Variants in ZBTB5 observed in about 807,000 individuals in gnomAD.
ZBTB5 encodes zinc finger and BTB domain containing 5, also known as zinc finger and BTB domain-containing protein 5.
A neutral mutation model predicts 37.9 loss-of-function variants in ZBTB5; 15 were observed. The observed-to-expected ratio is 0.40, with a 90% CI of 0.26 to 0.61. ZBTB5 has a LOEUF of 0.61. Ranked by LOEUF, ZBTB5 falls within the 20% of genes least tolerant of loss-of-function variation. The pLI is 0.47. For missense variants in ZBTB5, 708 were observed against 856.8 expected (o/e 0.83, Z 2.17); for synonymous variants, 315 against 312.4 (o/e 1.01, Z -0.09).
In ZBTB5 at chr9:37,442,085, G is replaced by A; in HGVS notation, c.467C>T (p.Ser156Leu). The change falls in exon 2 of 2, where the codon TCA (serine) becomes TTA (leucine). Residue 156 changes from serine to leucine, a missense_variant. Ser to Leu is a moderately radical substitution (Grantham distance 145). Around this residue, in one of 3 missense-constraint regions of ZBTB5, gnomAD observed 639 missense variants for 690.5 expected, o/e 0.93. Transcript: ENST00000307750. Reference protein sequence around the residue: ...LQQLGLSIVSSALNSSQNGEE... With the variant: ...LQQLGLSIVSLALNSSQNGEE... ...GCCATTCTGGCTGGAATTGAGGGCTGAGCTCACGATGCTTAGTCCCAGCTG... is the reference window on the plus strand; with the variant it reads ...GCCATTCTGGCTGGAATTGAGGGCTAAGCTCACGATGCTTAGTCCCAGCTG... 4 of 1,614,022 alleles carry A rather than the reference G, an allele frequency of 2.5e-6. No homozygotes were observed. Among genetic ancestry groups the A allele is most frequent in the Admixed American group, 1.7e-5 (1 of 60,034 alleles).
rs1414975830 is a variant in ZBTB5 at position 37,447,245 on chromosome 9, T to C, written c.-4-4690A>G. On this transcript the variant is annotated intron_variant, in intron 1 of 1. Transcript: ENST00000307750. ...GAGTGTGTGAAGGAGAAACTGTCAC[T>C]TATAAAACCACCAGATGTTGTGAGA... 5.3e-5 allele frequency among the ~76,000 whole-genome samples: 8 copies of C among 152,278 alleles called. No homozygotes were observed. In the East Asian group the frequency reaches 1.5e-3, roughly 29 times the overall value.
At chr9:37,464,985 A>C (rs1206427641) in intron 1 of ZBTB5, among the ~76,000 whole-genome samples, 4 of 151,524 alleles carry the variant, frequency 2.6e-5, no homozygotes. Context: ...CCCCCGCCCC[A>C]CCCCGCAGAC....
At chr9:37,454,982 C>T (rs1202469032) in intron 1 of ZBTB5, among the ~76,000 whole-genome samples, 1 of 152,176 alleles carries the variant, frequency 6.6e-6, no homozygotes, top group East Asian at 1.9e-4. Flanking sequence ...GGACAGGAGA[C>T]AGGGAAATGC....
chr9:37,460,530 G>A (rs1307461153), intron 1 of ZBTB5, among the ~76,000 whole-genome samples: 1 of 152,152 alleles, frequency 6.6e-6, no homozygotes, highest in Non-Finnish European at 1.5e-5. Context: ...GACCTGCTTG[G>A]TTAACATAGC....
rs755949775 is a variant in ZBTB5, at chr9:37,441,208, C to G, written c.1344G>C (p.Leu448Phe). ...CACCTGCAGGCCCAGCCTCTGGACT[C>G]AACAAATAGGGGGCCTCACTCTCCA... ...CRLESEAPYL[L>F]SPEAGPAGGP... Residue 448 changes from leucine to phenylalanine, a missense_variant, in exon 2 of 2, where the codon TTG becomes TTC. By Grantham distance (22) the Leu-to-Phe change is conservative. Around this residue, in one of 3 missense-constraint regions of ZBTB5, gnomAD observed 639 missense variants for 690.5 expected, o/e 0.93. Coordinates refer to ENST00000307750, the MANE Select transcript of ZBTB5 (RefSeq NM_014872.3). 2 of 1,614,040 alleles carry G rather than the reference C, an allele frequency of 1.2e-6. No homozygotes were observed. The highest frequency in any genetic ancestry group is 1.3e-5 in the African/African-American group (1 of 75,006).
intron 1 of ZBTB5, among the ~76,000 whole-genome samples, chr9:37,448,286 TC>T (rs1182991455): frequency 1.3e-5 from 2 of 152,304 alleles, no homozygotes; most frequent in African/African-American, 4.8e-5. Context: ...GCTTGGAACT[TC>T]CTGTTATACC....
intron 1 of ZBTB5, among the ~76,000 whole-genome samples, chr9:37,459,557 CTTTTT>C (rs758214270): frequency 1.4e-5 from 2 of 142,252 alleles, no homozygotes; most frequent in African/African-American, 2.6e-5. Context: ...GATCAAGAAA[CTTTTT>C]TTTTTTTTTC....
At chr9:37,464,380 C>T (rs1038815852) in intron 1 of ZBTB5, among the ~76,000 whole-genome samples, 1 of 152,208 alleles carries the variant, frequency 6.6e-6, no homozygotes, top group Non-Finnish European at 1.5e-5. Context: ...TCAGAAGATA[C>T]TACTTAGTAA....
chr9:37,447,510 C>A (rs1188227394), intron 1 of ZBTB5, among the ~76,000 whole-genome samples: 1 of 152,118 alleles, frequency 6.6e-6, no homozygotes. Flanking sequence ...GTTGCCCAGG[C>A]TAGAGTACAG....
intron 1 of ZBTB5, among the ~76,000 whole-genome samples, chr9:37,445,768 G>GT (rs879843835): frequency 1.2e-4 from 18 of 152,146 alleles, no homozygotes; most frequent in Non-Finnish European, 1.9e-4. Context: ...GGGGACTGCT[G>GT]TTTTGTTGTT....
At chr9:37,444,566 C>A (rs987944057) in intron 1 of ZBTB5, among the ~76,000 whole-genome samples, 2 of 152,122 alleles carry the variant, frequency 1.3e-5, no homozygotes, top group Non-Finnish European at 2.9e-5. Flanking sequence ...AAAGGCCCAA[C>A]AAGTACTCAA....
chr9:37,453,488 T>C (rs543395561), intron 1 of ZBTB5, among the ~76,000 whole-genome samples: 1 of 152,350 alleles, frequency 6.6e-6, no homozygotes, highest in East Asian at 1.9e-4. Flanking sequence ...TCAGATCTGT[T>C]ACACAGCACT....
chr9:37,442,369 G>A lies in ZBTB5; in HGVS notation c.183C>T (p.Thr61=). The change falls in exon 2 of 2, where the codon ACC becomes ACT. Residue 61 remains threonine (T), a synonymous_variant. Transcript: ENST00000307750. ...CGCTATCCAGCTGGATCATGTTCAT[G>A]GTCTGATCTCCTTCTGCCACTGAGA... is the stretch of plus-strand genomic sequence containing the variant. ...ALFSVAEGDQ[T]MNMIQLDSEV... 1 of 1,614,140 alleles carries A rather than the reference G, an allele frequency of 6.2e-7. No individual in the cohort carries two copies. The highest frequency in any genetic ancestry group is 8.5e-7 in the Non-Finnish European group (1 of 1,180,040).
chr9:37,459,900 C>T (rs1244053769), intron 1 of ZBTB5, among the ~76,000 whole-genome samples: 9 of 151,260 alleles, frequency 6.0e-5, no homozygotes, highest in African/African-American at 1.9e-4. Context: ...TTAGTAGAGA[C>T]GGGGTTTCAC....
intron 1 of ZBTB5, among the ~76,000 whole-genome samples, chr9:37,444,019 G>T (rs915142320): frequency 9.2e-5 from 14 of 152,182 alleles, no homozygotes; most frequent in African/African-American, 1.2e-4. Context: ...GGAAGTCAAG[G>T]CTTCTGTGAA....
At chr9:37,454,195 A>G (rs1402772863) in intron 1 of ZBTB5, among the ~76,000 whole-genome samples, 1 of 152,254 alleles carries the variant, frequency 6.6e-6, no homozygotes, top group African/African-American at 2.4e-5. Context: ...TTTGGGGGAT[A>G]TAAAATTTGC....
chr9:37,451,593 A>G (rs1403110876), intron 1 of ZBTB5, among the ~76,000 whole-genome samples: 1 of 151,132 alleles, frequency 6.6e-6, no homozygotes, highest in East Asian at 1.9e-4. Flanking sequence ...ACGTGCACTT[A>G]GCAAATTTAC....
chr9:37,461,957 T>A (rs1199158400), intron 1 of ZBTB5, among the ~76,000 whole-genome samples: 3 of 152,098 alleles, frequency 2.0e-5, no homozygotes, highest in African/African-American at 7.2e-5. Context: ...GAAAACGAAT[T>A]AGGAAAATTT....
At chr9:37,464,530 G>C (rs192716551) in intron 1 of ZBTB5, among the ~76,000 whole-genome samples, 1 of 152,192 alleles carries the variant, frequency 6.6e-6, no homozygotes, top group East Asian at 1.9e-4. Flanking sequence ...CATTATGAAA[G>C]GAAAAAACTA....
Sources: gnomAD v4.1 joint callset for allele counts (sites outside exome capture counted in the v4.1 genomes callset) on GRCh38, gnomAD v4.1.1 for gene constraint, gnomAD v4.1.1 regional missense constraint, MANE v1.5 for transcripts, NCBI Gene and HGNC (gene_info 2026-07-23, HGNC 2026-07-21) for gene names.